RASAL2: variants seen among roughly 807,000 people sequenced by gnomAD.
RASAL2 encodes ras GTPase-activating protein nGAP.
In RASAL2, 58 loss-of-function variants were observed where a neutral mutation model predicts 128.9. That is an observed-to-expected ratio of 0.45 (90% confidence interval 0.36 to 0.56). RASAL2 has a LOEUF of 0.56. Among genes scored for constraint, RASAL2 ranks in the 20% least tolerant of loss-of-function variants. The pLI is 0.00. For synonymous variants in RASAL2, 561 were observed against 580.8 expected (o/e 0.97, Z 0.49); for missense variants, 1,360 against 1,601.6 (o/e 0.85, Z 2.57).
intron 9 of RASAL2, among the ~76,000 whole-genome samples, chr1:178,447,326 A>T (rs12059073): frequency 0.067 from 10,221 of 151,860 alleles, 647 homozygotes; most frequent in African/African-American, 0.17. Flanking sequence ...TGTCTTAAAA[A>T]AAATAAATAA....
At chr1:178,249,066 C>T (rs1664919981) in intron 1 of RASAL2, among the ~76,000 whole-genome samples, 1 of 152,032 alleles carries the variant, frequency 6.6e-6, no homozygotes, top group Non-Finnish European at 1.5e-5. Flanking sequence ...TTTGTATTTC[C>T]TGAATTTGAA....
At chr1:178,197,928 C>T (rs1276657668) in intron 1 of RASAL2, among the ~76,000 whole-genome samples, 51 of 152,138 alleles carry the variant, frequency 3.4e-4, no homozygotes. Context: ...CAGTTCCCAC[C>T]TATGAGTGAG....
At chr1:178,204,420 G>A (rs577993111) in intron 1 of RASAL2, among the ~76,000 whole-genome samples, 1 of 152,266 alleles carries the variant, frequency 6.6e-6, no homozygotes, top group African/African-American at 2.4e-5. Context: ...CTAAGTAAGT[G>A]AAGCCTTATA....
At chr1:178,260,423 A>T in intron 1 of RASAL2, among the ~76,000 whole-genome samples, 3 of 111,610 alleles carry the variant, frequency 2.7e-5, no homozygotes, top group Admixed American at 9.6e-5. Context: ...TATGATAATA[A>T]TTTTAGCAAA....
intron 1 of RASAL2, among the ~76,000 whole-genome samples, chr1:178,180,632 A>G (rs1472626865): frequency 1.4e-5 from 2 of 142,290 alleles, no homozygotes; most frequent in Non-Finnish European, 3.1e-5. Context: ...ACAGCACTGC[A>G]TTCAAGCCTG....
intron 14 of RASAL2, among the ~76,000 whole-genome samples, chr1:178,459,760 T>C (rs1018756802): frequency 6.6e-6 from 1 of 152,192 alleles, no homozygotes; most frequent in Non-Finnish European, 1.5e-5. Flanking sequence ...CTAAACCTCC[T>C]AGTTGGTCAT....
chr1:178,156,394 A>G (rs1021713678), intron 1 of RASAL2, among the ~76,000 whole-genome samples: 1 of 152,186 alleles, frequency 6.6e-6, no homozygotes, highest in Non-Finnish European at 1.5e-5. Flanking sequence ...GTTTTAGAAT[A>G]CATATGAGTA....
intron 2 of RASAL2, among the ~76,000 whole-genome samples, chr1:178,289,461 A>G (rs1667179970): frequency 6.6e-6 from 1 of 152,030 alleles, no homozygotes; most frequent in African/African-American, 2.4e-5. Context: ...CTTATTTTAT[A>G]TCTTAAAACT....
intron 4 of RASAL2, among the ~76,000 whole-genome samples, chr1:178,409,120 C>A (rs1674189631): frequency 6.6e-6 from 1 of 152,206 alleles, no homozygotes; most frequent in African/African-American, 2.4e-5. Flanking sequence ...ACTTTTAGGC[C>A]ATGGGAGGTG....
intron 1 of RASAL2, among the ~76,000 whole-genome samples, chr1:178,102,724 T>C (rs926038173): frequency 6.6e-6 from 1 of 152,208 alleles, no homozygotes; most frequent in Admixed American, 6.5e-5. Flanking sequence ...ATAGGTAATA[T>C]ATTCCTTTGT....
intron 2 of RASAL2, among the ~76,000 whole-genome samples, chr1:178,299,016 A>T (rs1168133592): frequency 6.6e-6 from 1 of 152,116 alleles, no homozygotes; most frequent in Non-Finnish European, 1.5e-5. Flanking sequence ...TTAGTATTAG[A>T]GATTTTTTTT....
At chr1:178,174,488 G>A (rs548747095) in intron 1 of RASAL2, among the ~76,000 whole-genome samples, 1 of 152,056 alleles carries the variant, frequency 6.6e-6, no homozygotes, top group Admixed American at 6.6e-5. Context: ...TTGAGTGATG[G>A]CCTAATATAC....
Position 178,248,928 on chromosome 1 carries a change from C to A in RASAL2, c.203-34636C>A, listed in dbSNP as rs189024520. The stretch of plus-strand genomic sequence containing the variant: ...AATCTGCTGTTAGTCTGATGGGCTT[C>A]CCTTTGTAGGTAACCTGACCTTTCT... On this transcript the variant is annotated intron_variant, in intron 1 of 17. Coordinates refer to ENST00000367649, the MANE Select transcript of RASAL2 (RefSeq NM_170692.4). 2.7e-3 allele frequency among the ~76,000 whole-genome samples: 412 copies of A among 152,308 alleles called. 3 individuals carry two copies. Among genetic ancestry groups the A allele is most frequent in the Non-Finnish European group, 1.6e-3 (107 of 68,028 alleles).
chr1:178,243,621 G>A (rs911117542), intron 1 of RASAL2, among the ~76,000 whole-genome samples: 15 of 145,852 alleles, frequency 1.0e-4, no homozygotes, highest in Admixed American at 1.0e-3. Context: ...AAAAAAAAAT[G>A]ACAACAACAA....
chr1:178,431,476 T>A (rs1675896148), intron 5 of RASAL2, among the ~76,000 whole-genome samples: 1 of 152,108 alleles, frequency 6.6e-6, no homozygotes, highest in African/African-American at 2.4e-5. Flanking sequence ...AAACATGCAC[T>A]GCTGATAGAC....
chr1:178,282,470 A>G (rs2102211711), intron 1 of RASAL2, among the ~76,000 whole-genome samples: 1 of 152,300 alleles, frequency 6.6e-6, no homozygotes, highest in South Asian at 2.1e-4. Flanking sequence ...GACACCTAGG[A>G]AATTATTTGC....
intron 1 of RASAL2, among the ~76,000 whole-genome samples, chr1:178,210,053 C>A (rs564654847): frequency 1.1e-4 from 17 of 151,908 alleles, no homozygotes; most frequent in African/African-American, 3.9e-4. Flanking sequence ...AAATTTTCTC[C>A]CTGTGACTGT....
At position 178,105,705 on chromosome 1, in the gene RASAL2, C is replaced by T. The variant is rs1172861813; in HGVS notation, c.202+11011C>T. ...GGGGTTCTTTTTTTTTTTTTTGAGACGGAGTCTTGTTCTGTCACTCAGGCT... is the reference window on the plus strand; with the variant it reads ...GGGGTTCTTTTTTTTTTTTTTGAGATGGAGTCTTGTTCTGTCACTCAGGCT... On this transcript the variant is annotated intron_variant, in intron 1 of 17. Transcript: ENST00000367649. Among the ~76,000 whole-genome samples the T allele has an allele frequency of 3.4e-5, 5 of 146,502 alleles. No individual in the cohort carries two copies. The South Asian group carries it at 6.4e-4, about 19-fold the overall frequency.
At chr1:178,464,845 T>G (rs990638045) in intron 15 of RASAL2, among the ~76,000 whole-genome samples, 3 of 147,514 alleles carry the variant, frequency 2.0e-5, no homozygotes, top group Admixed American at 6.7e-5. Flanking sequence ...TTTTTTTTTT[T>G]TTTTTTTTTT....
Sources: allele counts gnomAD v4.1 joint callset (sites outside exome capture counted in the v4.1 genomes callset), GRCh38; gene constraint gnomAD v4.1.1; transcripts MANE v1.5; gene names NCBI Gene and HGNC (gene_info 2026-07-23, HGNC 2026-07-21).